The following CMIP variants were observed in gnomAD, a reference collection of about 807,000 sequenced individuals.
CMIP encodes C-Maf-inducing protein.
In CMIP, 13 loss-of-function variants were observed where a neutral mutation model predicts 97.3. The observed-to-expected ratio is 0.13, with a 90% CI of 0.09 to 0.21. The LOEUF is 0.21. CMIP is among the 10% of genes least tolerant of loss of function. The pLI, the probability that CMIP is intolerant of heterozygous loss-of-function variation, is 1.00. For missense variants in CMIP, 847 were observed against 1,024.9 expected (o/e 0.83, Z 2.37); for synonymous variants, 538 against 436.3 (o/e 1.23, Z -2.91).
chr16:81,611,966 T>A (rs2091838989), intron 2 of CMIP, among the ~76,000 whole-genome samples: 1 of 152,186 alleles, frequency 6.6e-6, no homozygotes, highest in East Asian at 1.9e-4. Context: ...GTGTTTTGGA[T>A]GCTTTGTGTT....
chr16:81,557,892 C>T (rs2090797483), intron 1 of CMIP, among the ~76,000 whole-genome samples: 1 of 152,182 alleles, frequency 6.6e-6, no homozygotes, highest in South Asian at 2.1e-4. Flanking sequence ...CCTCCATCTT[C>T]AGAACTCTTT....
At chr16:81,689,851 C>G (rs1385682713) in intron 10 of CMIP, among the ~76,000 whole-genome samples, 1 of 152,180 alleles carries the variant, frequency 6.6e-6, no homozygotes, top group Non-Finnish European at 1.5e-5. Flanking sequence ...AGGAAGGGAT[C>G]CAGTTTCAGC....
intron 1 of CMIP, among the ~76,000 whole-genome samples, chr16:81,482,196 G>A (rs1240349182): frequency 2.6e-5 from 4 of 152,056 alleles, no homozygotes; most frequent in African/African-American, 9.7e-5. Flanking sequence ...CTCTTATAAG[G>A]ACCCTGTGGT....
At chr16:81,486,355 T>C (rs1266504050) in intron 1 of CMIP, among the ~76,000 whole-genome samples, 1 of 151,966 alleles carries the variant, frequency 6.6e-6, no homozygotes, top group African/African-American at 2.4e-5. Context: ...CCCTGGGAGG[T>C]AGATATGATC....
chr16:81,565,180 C>G (rs1034470976), intron 1 of CMIP, among the ~76,000 whole-genome samples: 3 of 152,092 alleles, frequency 2.0e-5, no homozygotes, highest in African/African-American at 7.2e-5. Flanking sequence ...TGCCCCAGCC[C>G]CAAAGACAGG....
intron 2 of CMIP, chr16:81,620,674 G>T (rs570055091): frequency 1.7e-6 from 1 of 573,404 alleles, no homozygotes; most frequent in East Asian, 3.0e-5. Context: ...CTTGTTTTTA[G>T]GAAATCCTCC....
At chr16:81,476,538 C>T (rs772453324) in intron 1 of CMIP, 7 of 627,288 alleles carry the variant, frequency 1.1e-5, no homozygotes, top group Non-Finnish European at 1.8e-5. Context: ...GAACAGGTTT[C>T]CCGACGGCGC....
intron 1 of CMIP, among the ~76,000 whole-genome samples, chr16:81,500,276 T>TTCCG (rs1254799535): frequency 1.2e-4 from 14 of 117,478 alleles, no homozygotes; most frequent in African/African-American, 4.3e-4. Flanking sequence ...CCTTCCGTCC[T>TTCCG]TCCTTCCTTC....
Position 81,678,658 on chromosome 16 carries a change from G to A in CMIP, c.1388+30G>A, listed in dbSNP as rs547071327. On this transcript the variant is annotated intron_variant, in intron 10 of 20. Coordinates refer to ENST00000537098, the MANE Select transcript of CMIP (RefSeq NM_198390.3). ...GTGCCCCCCCCGCGTGCCCGCCCCCGGGGCCGGTGGGAGGAGACTGGGCTT... is the reference window on the plus strand; with the variant it reads ...GTGCCCCCCCCGCGTGCCCGCCCCCAGGGCCGGTGGGAGGAGACTGGGCTT... The A allele has an allele frequency of 6.9e-4, 751 of 1,083,308 alleles. 2 individuals are homozygous for A. In the Middle Eastern group the frequency reaches 7.5e-3, roughly 11 times the overall value. 67.1% of individuals were successfully genotyped at this position (1,083,308 alleles called of 1,614,324 possible).
intron 1 of CMIP, among the ~76,000 whole-genome samples, chr16:81,544,320 A>T (rs532967595): frequency 2.0e-5 from 3 of 152,246 alleles, no homozygotes; most frequent in Admixed American, 2.0e-4. Context: ...AAAATACTCA[A>T]TTTTTTAATT....
chr16:81,672,984 T>C (rs1180459859), intron 9 of CMIP, among the ~76,000 whole-genome samples: 3 of 152,310 alleles, frequency 2.0e-5, no homozygotes, highest in African/African-American at 7.2e-5. Context: ...GAAGAGATCA[T>C]GTACAAGTAA....
At chr16:81,541,500 C>T (rs949510325) in intron 1 of CMIP, among the ~76,000 whole-genome samples, 2 of 152,180 alleles carry the variant, frequency 1.3e-5, no homozygotes, top group African/African-American at 4.8e-5. Context: ...GACCCTCACA[C>T]GCTTCTTCCA....
intron 1 of CMIP, among the ~76,000 whole-genome samples, chr16:81,508,698 A>C (rs1043452326): frequency 8.5e-5 from 13 of 152,142 alleles, no homozygotes; most frequent in African/African-American, 2.9e-4. Flanking sequence ...GAGTTTCAGC[A>C]CTCTCCATCA....
intron 1 of CMIP, chr16:81,606,831 G>T (rs757725866): frequency 6.5e-6 from 1 of 154,664 alleles, no homozygotes. Flanking sequence ...TAGAGGGTGG[G>T]AGTTCCCCGA....
intron 1 of CMIP, among the ~76,000 whole-genome samples, chr16:81,539,616 G>C (rs1303202411): frequency 6.6e-6 from 1 of 152,182 alleles, no homozygotes; most frequent in Non-Finnish European, 1.5e-5. Context: ...GCACCTCGGA[G>C]CTCCTTAACT....
At chr16:81,482,525 T>A (rs1317565122) in intron 1 of CMIP, among the ~76,000 whole-genome samples, 1 of 152,100 alleles carries the variant, frequency 6.6e-6, no homozygotes, top group Non-Finnish European at 1.5e-5. Context: ...GTTGGTCACC[T>A]GCTAAGTAGC....
intron 1 of CMIP, among the ~76,000 whole-genome samples, chr16:81,472,519 G>A (rs149421622): frequency 4.6e-5 from 7 of 152,330 alleles, no homozygotes; most frequent in African/African-American, 1.4e-4. Flanking sequence ...ACTTGACACC[G>A]TTGAGTGTCA....
intron 1 of CMIP, among the ~76,000 whole-genome samples, chr16:81,588,832 C>T (rs16955600): frequency 0.031 from 4,650 of 152,174 alleles, 224 homozygotes; most frequent in African/African-American, 0.11. Context: ...GTGGGCCTCC[C>T]GTCGTCTTCC....
intron 6 of CMIP, among the ~76,000 whole-genome samples, chr16:81,662,665 CT>C (rs1361722957): frequency 6.6e-6 from 1 of 152,208 alleles, no homozygotes; most frequent in Non-Finnish European, 1.5e-5. Flanking sequence ...CCTGATTTCT[CT>C]TATCCCAGGT....
Sources: gnomAD v4.1 joint callset for allele counts (sites outside exome capture counted in the v4.1 genomes callset) on GRCh38, gnomAD v4.1.1 for gene constraint, MANE v1.5 for transcripts, NCBI Gene and HGNC (gene_info 2026-07-23, HGNC 2026-07-21) for gene names.